ATAD2B: variants seen among roughly 807,000 people sequenced by gnomAD.
The protein encoded by ATAD2B is ATPase family AAA domain containing 2B, also known as ATPase family AAA domain-containing protein 2B.
ATAD2B carries 40 observed loss-of-function variants against 167.6 expected under a neutral mutation model. The ratio of observed to expected loss-of-function variants is 0.24; its 90% CI spans 0.19 to 0.31. The LOEUF (loss-of-function observed/expected upper bound fraction) is 0.31, where lower values mean the gene tolerates loss of function less well. Ranked by LOEUF, ATAD2B falls within the 10% of genes least tolerant of loss-of-function variation. The probability of loss-of-function intolerance (pLI) is 1.00; values close to 1 mark genes in which losing one functional copy is unlikely to be tolerated. For missense variants in ATAD2B, 1,242 were observed against 1,757.2 expected, an observed-to-expected ratio of 0.71 and a Z score of 5.24; for synonymous variants, 579 against 596.5, an observed-to-expected ratio of 0.97 and a Z score of 0.43.
At position 23,757,633 on chromosome 2, in the gene ATAD2B, C is replaced by T. The variant is rs774395245; in HGVS notation, c.3863G>A (p.Gly1288Asp). The T allele has an allele frequency of 1.2e-6, 2 of 1,613,820 alleles. No homozygotes were observed. The highest frequency in any genetic ancestry group is 1.7e-6 in the Non-Finnish European group (2 of 1,179,740). Residue 1288 changes from glycine (G) to aspartate (D), a missense_variant, in exon 25 of 28, where the codon GGC (glycine) becomes GAC (aspartate). Gly to Asp is a moderately conservative substitution (Grantham distance 94). Around this residue, in one of 9 missense-constraint regions of ATAD2B, gnomAD observed 282 missense variants for 346.8 expected, o/e 0.81. Coordinates refer to ENST00000238789, the MANE Select transcript of ATAD2B (RefSeq NM_017552.4). ...ACAGAAAGAAACTACTTCAAGCTTG[C>T]CATTCTGACATTCCAGAACTGGTAT... ...EGIPVLECQNGKLEVVSFCDS... is the reference protein window; with the variant it reads ...EGIPVLECQNDKLEVVSFCDS...
In ATAD2B at chr2:23,899,352, C is replaced by T. The variant is rs368240396; in HGVS notation, c.217-3382G>A. 4.2e-3 allele frequency among the ~76,000 whole-genome samples: 603 copies of T among 145,000 alleles called. 4 individuals carry two copies. The South Asian group carries it at 0.044, about 11-fold the overall frequency. ...AAGGCCACACTGGTACTAAAAGGCA[C>T]AAAAGAAAAAATAATTGAAATTCAA... is the stretch of plus-strand genomic sequence containing the variant. On this transcript the variant is annotated intron_variant, in intron 1 of 27. Coordinates refer to ENST00000238789, the MANE Select transcript of ATAD2B (RefSeq NM_017552.4).
chr2:23,695,341 G>A, the ATAD2B span, among the ~76,000 whole-genome samples: 2 of 152,152 alleles, frequency 1.3e-5, no homozygotes, highest in South Asian at 4.1e-4. This position sits in a 1 kb window ranked among gnomAD's most constrained non-coding sequence, Gnocchi z 7.6. Context: ...TGGAGTGAGA[G>A]AATGGGGTGC....
chr2:23,826,691 T>G (rs1193203208), intron 15 of ATAD2B, among the ~76,000 whole-genome samples: 2 of 152,176 alleles, frequency 1.3e-5, no homozygotes, highest in Non-Finnish European at 2.9e-5. Context: ...ATAAGTCACT[T>G]CATTGAGACT....
At chr2:23,718,760 G>C in the ATAD2B span, among the ~76,000 whole-genome samples, 1 of 152,218 alleles carries the variant, frequency 6.6e-6, no homozygotes, top group African/African-American at 2.4e-5. Flanking sequence ...GTGTTCTGGA[G>C]GCTCTAGGGA....
At chr2:23,872,784 G>C in intron 8 of ATAD2B, 3 of 936,280 alleles carry the variant, frequency 3.2e-6, no homozygotes, top group Non-Finnish European at 5.2e-6. Context: ...AACCACATCT[G>C]ATCAATGGCA....
intron 17 of ATAD2B, among the ~76,000 whole-genome samples, chr2:23,812,592 G>C (rs1170716280): frequency 6.6e-6 from 1 of 152,166 alleles, no homozygotes; most frequent in African/African-American, 2.4e-5. Flanking sequence ...GCCGGGCACA[G>C]TGGCTCACGC....
chr2:23,736,905 T>A, the ATAD2B span, among the ~76,000 whole-genome samples: 1 of 152,224 alleles, frequency 6.6e-6, no homozygotes, highest in South Asian at 2.1e-4. Context: ...ATCCCGCACC[T>A]GGCTCGGAGG....
rs932954511 is a variant in ATAD2B, at chr2:23,751,864, T to C, written c.*182A>G. ...TTTCTGAAGTTCTGTTTGGTTCTTG[T>C]AGGCTGGTTGGTTTCAGGTACCTGA... On this transcript the variant is annotated 3_prime_UTR_variant, in exon 28 of 28. Transcript: ENST00000238789. 1.1e-4 allele frequency: 67 copies of C among 590,372 alleles called. No homozygotes were observed. Among genetic ancestry groups the C allele is most frequent in the Non-Finnish European group, 1.8e-4 (58 of 329,026 alleles). 36.6% of individuals were successfully genotyped at this position (590,372 alleles called of 1,614,324 possible).
At chr2:23,813,311 G>T (rs77695201) in intron 17 of ATAD2B, among the ~76,000 whole-genome samples, 3,717 of 94,608 alleles carry the variant, frequency 0.039, 159 homozygotes, top group African/African-American at 0.13. Flanking sequence ...TATAAATTAT[G>T]TTGTTATTTT....
At chr2:23,707,023 T>C in the ATAD2B span, 36 of 174,400 alleles carry the variant, frequency 2.1e-4, no homozygotes, top group African/African-American at 6.4e-4. Flanking sequence ...CAACCATAGA[T>C]CAGTTATCTT....
the ATAD2B span, among the ~76,000 whole-genome samples, chr2:23,726,971 A>T: frequency 6.6e-6 from 1 of 152,342 alleles, no homozygotes; most frequent in South Asian, 2.1e-4. Context: ...TTTTACCAAA[A>T]ACTTTTAAAA....
chr2:23,780,266 C>CG (rs1558521058), intron 22 of ATAD2B, among the ~76,000 whole-genome samples: 1 of 83,196 alleles, frequency 1.2e-5, no homozygotes, highest in African/African-American at 4.9e-5. Context: ...AAAGTATATA[C>CG]TTGTGTGTGT....
chr2:23,742,944 A>C, the ATAD2B span, among the ~76,000 whole-genome samples: 6 of 152,182 alleles, frequency 3.9e-5, no homozygotes, highest in Non-Finnish European at 8.8e-5. Flanking sequence ...ATTTAGACAC[A>C]CACCCAGACA....
At chr2:23,824,017 C>T (rs191978663) in intron 15 of ATAD2B, among the ~76,000 whole-genome samples, 26 of 152,116 alleles carry the variant, frequency 1.7e-4, no homozygotes, top group African/African-American at 5.8e-4. Context: ...TGGCACAATC[C>T]GGCTCACTGC....
chr2:23,892,288 T>C (rs1290032414), intron 2 of ATAD2B, among the ~76,000 whole-genome samples: 1 of 151,894 alleles, frequency 6.6e-6, no homozygotes, highest in East Asian at 1.9e-4. Context: ...CTCAGCCTCC[T>C]GAGTAGCTGG....
chr2:23,836,293 C>T (rs1689955647), intron 13 of ATAD2B, among the ~76,000 whole-genome samples: 1 of 152,150 alleles, frequency 6.6e-6, no homozygotes, highest in African/African-American at 2.4e-5. Context: ...AGGCACACTG[C>T]AAGCAGCTTC....
At chr2:23,884,647 T>C (rs1376007243) in intron 6 of ATAD2B, 118 bp downstream of exon 6, 8 of 516,818 alleles carry the variant, frequency 1.5e-5, no homozygotes, top group Non-Finnish European at 2.7e-5. Flanking sequence ...TTATACAATA[T>C]AGACCTCAAA....
chr2:23,922,122 G>C (rs1704024245), intron 1 of ATAD2B, among the ~76,000 whole-genome samples: 1 of 151,918 alleles, frequency 6.6e-6, no homozygotes, highest in Non-Finnish European at 1.5e-5. Context: ...TCACAAGATG[G>C]GGACTCAGAG....
chr2:23,843,350 T>G (rs1444727867), intron 13 of ATAD2B, among the ~76,000 whole-genome samples: 1 of 151,932 alleles, frequency 6.6e-6, no homozygotes, highest in African/African-American at 2.4e-5. Context: ...AGACACAAAA[T>G]CAGAATAAAC....
Sources: allele counts gnomAD v4.1 joint callset (sites outside exome capture counted in the v4.1 genomes callset), GRCh38; gene constraint gnomAD v4.1.1; regional missense constraint gnomAD v4.1.1; non-coding constraint Gnocchi (gnomAD v3.1); transcripts MANE v1.5; gene names NCBI Gene and HGNC (gene_info 2026-07-23, HGNC 2026-07-21).